Variants in MSH4 observed in about 807,000 individuals in gnomAD.
The protein encoded by MSH4 is mutS protein homolog 4.
Under a neutral mutation model 113.7 loss-of-function variants are expected in MSH4, and 106 were observed. That is an observed-to-expected ratio of 0.93 (90% CI 0.80 to 1.10). The LOEUF is 1.10. Ranked by LOEUF, MSH4 falls within the 50% of genes least tolerant of loss-of-function variation. The pLI is 0.00. For missense variants in MSH4, 1,061 were observed against 1,093.7 expected, an observed-to-expected ratio of 0.97 and a Z score of 0.42; for synonymous variants, 368 against 380.2, an observed-to-expected ratio of 0.97 and a Z score of 0.37.
At chr1:75,905,006 G>C (rs1049495733) in intron 19 of MSH4, among the ~76,000 whole-genome samples, 11 of 151,704 alleles carry the variant, frequency 7.3e-5, no homozygotes, top group Non-Finnish European at 1.3e-4. Flanking sequence ...GTAAAGATTT[G>C]TTTGTCTTTT....
At chr1:75,874,769 T>C (rs942581099) in intron 9 of MSH4, among the ~76,000 whole-genome samples, 4 of 152,184 alleles carry the variant, frequency 2.6e-5, no homozygotes, top group Non-Finnish European at 4.4e-5. Context: ...TAAAACAAGG[T>C]GGTGACTTTG....
chr1:75,838,385 A>G (rs902209625), intron 7 of MSH4, among the ~76,000 whole-genome samples: 1 of 152,166 alleles, frequency 6.6e-6, no homozygotes, highest in African/African-American at 2.4e-5. Context: ...CACTGGGGCC[A>G]AGAGACAATC....
chr1:75,865,371 G>C (rs1651540832), intron 8 of MSH4, among the ~76,000 whole-genome samples: 1 of 151,908 alleles, frequency 6.6e-6, no homozygotes, highest in Non-Finnish European at 1.5e-5. Context: ...CTAATATCTT[G>C]ATTGTACCCA....
At position 75,809,150 on chromosome 1, in the gene MSH4, C is replaced by T. The variant is rs5745350; in HGVS notation, c.589-1547C>T. Reference sequence around the variant, plus strand: ...TCCTTAGACTCGAGTGATCCTGCCCCCTCAGAAGTTGAATTGCCCCTCGGG... The same window carrying T: ...TCCTTAGACTCGAGTGATCCTGCCCTCTCAGAAGTTGAATTGCCCCTCGGG... On this transcript the variant is annotated intron_variant, in intron 3 of 19. Coordinates refer to ENST00000263187, the MANE Select transcript of MSH4 (RefSeq NM_002440.4). Among the ~76,000 whole-genome samples, 1,143 of 152,132 alleles carry T rather than the reference C, an allele frequency of 7.5e-3. 10 individuals carry two copies. Among genetic ancestry groups the T allele is most frequent in the African/African-American group, 0.026 (1,095 of 41,502 alleles).
Position 75,797,122 on chromosome 1 carries a change from A to C in MSH4, c.137A>C (p.Gln46Pro). 6.2e-7 allele frequency: 1 copy of C among 1,613,974 alleles called. No individual in the cohort carries two copies. The highest frequency in any genetic ancestry group is 8.5e-7 in the Non-Finnish European group (1 of 1,179,908). The change falls in exon 1 of 20, where the codon CAG becomes CCG. Residue 46 changes from glutamine to proline, a missense_variant. Transcript: ENST00000263187. The part of the protein sequence containing the change: ...QETPQSRPSV[Q>P]VVSASTCPGT... ...ACTCCACAGAGCCGCCCTTCGGTCC[A>C]GGTGGTCTCTGCATCCACCTGTCCT...
At chr1:75,849,494 A>G (rs1404994418) in intron 8 of MSH4, among the ~76,000 whole-genome samples, 2 of 152,252 alleles carry the variant, frequency 1.3e-5, no homozygotes, top group South Asian at 2.1e-4. Context: ...AAGCTAATCT[A>G]TATTTGGGAA....
chr1:75,809,374 A>G (rs925769590), intron 3 of MSH4, among the ~76,000 whole-genome samples: 1 of 152,076 alleles, frequency 6.6e-6, no homozygotes, highest in Non-Finnish European at 1.5e-5. Context: ...CCTTAATGAT[A>G]CTAGTATTGC....
intron 7 of MSH4, among the ~76,000 whole-genome samples, chr1:75,846,407 G>A (rs1651079654): frequency 6.6e-6 from 1 of 152,036 alleles, no homozygotes; most frequent in South Asian, 2.1e-4. Flanking sequence ...TCATTTTACT[G>A]TAAGTGACTG....
intron 9 of MSH4, among the ~76,000 whole-genome samples, chr1:75,871,241 G>C (rs34270172): frequency 0.084 from 12,772 of 152,142 alleles, 789 homozygotes; most frequent in African/African-American, 0.17. Context: ...AACAGCATGA[G>C]GGAAACTGCC....
intron 19 of MSH4, among the ~76,000 whole-genome samples, chr1:75,901,770 C>T (rs1057077261): frequency 9.9e-5 from 15 of 152,098 alleles, no homozygotes; most frequent in Admixed American, 2.6e-4. Context: ...TTTACATTCC[C>T]ATCAACAGTG....
intron 8 of MSH4, among the ~76,000 whole-genome samples, chr1:75,861,768 A>G (rs779856069): frequency 2.6e-5 from 4 of 152,184 alleles, no homozygotes; most frequent in Non-Finnish European, 4.4e-5. Flanking sequence ...TGGGGCTCAA[A>G]CACCATGCTG....
chr1:75,835,732 G>A (rs911970776), intron 7 of MSH4, among the ~76,000 whole-genome samples: 13 of 152,058 alleles, frequency 8.5e-5, no homozygotes, highest in Middle Eastern at 3.2e-3. Flanking sequence ...ATCTTTTCTA[G>A]CTACCACTAT....
intron 7 of MSH4, 91 bp downstream of exon 7, chr1:75,822,672 T>A: frequency 1.5e-6 from 1 of 646,626 alleles, no homozygotes; most frequent in Non-Finnish European, 2.3e-6. Context: ...AGACAAGTAG[T>A]GAAGGTGTTA....
chr1:75,892,377 A>ACT (rs113018030), intron 17 of MSH4, among the ~76,000 whole-genome samples: 60,121 of 148,304 alleles, frequency 0.41, 12,193 homozygotes, highest in African/African-American at 0.48. Context: ...ACACATACAC[A>ACT]CTCTCTCTCT....
intron 19 of MSH4, among the ~76,000 whole-genome samples, chr1:75,904,958 T>C (rs1346538776): frequency 6.6e-6 from 1 of 152,032 alleles, no homozygotes; most frequent in Non-Finnish European, 1.5e-5. Flanking sequence ...TTTTCATTTC[T>C]GATTTTATTT....
chr1:75,810,757 G>T lies in MSH4; in HGVS notation c.649G>T (p.Ala217Ser). The change falls in exon 4 of 20, where the codon GCT becomes TCT. Residue 217 changes from alanine to serine, a missense_variant. Transcript: ENST00000263187. ...AATAATAATGTCAAATACTGCTTGT[G>T]CTGTGGGGAATTCCACCAAGTTGTT... ...LEIIMSNTAC[A>S]VGNSTKLFTL... 6.3e-7 allele frequency: 1 copy of T among 1,592,218 alleles called. No individual in the cohort carries two copies. The highest frequency in any genetic ancestry group is 1.2e-5 in the South Asian group (1 of 85,936).
intron 7 of MSH4, among the ~76,000 whole-genome samples, chr1:75,846,978 C>A (rs1038499048): frequency 6.6e-6 from 1 of 152,162 alleles, no homozygotes; most frequent in Non-Finnish European, 1.5e-5. Flanking sequence ...TTATTTCTTA[C>A]AGTTCTGGAG....
intron 9 of MSH4, among the ~76,000 whole-genome samples, chr1:75,874,113 A>G (rs994457536): frequency 2.0e-5 from 3 of 152,248 alleles, no homozygotes; most frequent in Middle Eastern, 3.4e-3. Context: ...AATAATAGCC[A>G]TTCTGACTGG....
At chr1:75,888,331 G>A (rs1450101158) in intron 15 of MSH4, among the ~76,000 whole-genome samples, 2 of 151,670 alleles carry the variant, frequency 1.3e-5, no homozygotes, top group Admixed American at 6.6e-5. Context: ...ATGTTAGAAT[G>A]CATTTTAGAT....
Sources: allele counts gnomAD v4.1 joint callset (sites outside exome capture counted in the v4.1 genomes callset), GRCh38; gene constraint gnomAD v4.1.1; transcripts MANE v1.5; gene names NCBI Gene and HGNC (gene_info 2026-07-23, HGNC 2026-07-21).